The following MAML2 variants were observed in gnomAD, a reference collection of about 807,000 sequenced individuals.
MAML2 encodes the protein mastermind-like protein 2.
MAML2 carries 22 observed loss-of-function variants against 96.1 expected under a neutral mutation model. That is an observed-to-expected ratio of 0.23 (90% CI 0.16 to 0.33). MAML2 has a LOEUF of 0.33. Among genes scored for constraint, MAML2 ranks in the 10% least tolerant of loss-of-function variants. The probability of loss-of-function intolerance (pLI) is 1.00; values close to 1 mark genes in which losing one functional copy is unlikely to be tolerated. For synonymous variants in MAML2, 561 were observed against 521.3 expected (o/e 1.08, Z -1.04); for missense variants, 1,367 against 1,392.4 (o/e 0.98, Z 0.29).
intron 2 of MAML2, among the ~76,000 whole-genome samples, chr11:96,067,518 C>T (rs1238466692): frequency 5.9e-5 from 9 of 152,158 alleles, no homozygotes; most frequent in Admixed American, 5.9e-4. Context: ...ATCACATGAT[C>T]TTCTTACTCT....
intron 1 of MAML2, among the ~76,000 whole-genome samples, chr11:96,256,933 T>C (rs886813210): frequency 1.3e-5 from 2 of 152,056 alleles, no homozygotes; most frequent in African/African-American, 4.8e-5. Context: ...AAGAAAGAAA[T>C]GAATACTTTG....
At chr11:96,243,491 C>T (rs577243611) in intron 1 of MAML2, among the ~76,000 whole-genome samples, 1 of 152,182 alleles carries the variant, frequency 6.6e-6, no homozygotes, top group Admixed American at 6.5e-5. Context: ...GGAGCCAGAC[C>T]CCAGCCGCGC....
intron 1 of MAML2, among the ~76,000 whole-genome samples, chr11:96,154,241 T>C (rs2135881284): frequency 6.6e-6 from 1 of 152,276 alleles, no homozygotes; most frequent in South Asian, 2.1e-4. Context: ...CCTGAGAATT[T>C]GCATTTCTAA....
At chr11:96,238,573 C>T (rs959856102) in intron 1 of MAML2, among the ~76,000 whole-genome samples, 1 of 152,158 alleles carries the variant, frequency 6.6e-6, no homozygotes, top group African/African-American at 2.4e-5. Flanking sequence ...GCTCCTGGAT[C>T]GATAACTTTT....
chr11:96,014,222 T>G (rs1406502817), intron 2 of MAML2, among the ~76,000 whole-genome samples: 1 of 152,218 alleles, frequency 6.6e-6, no homozygotes, highest in Non-Finnish European at 1.5e-5. Context: ...ACTCAGCATT[T>G]TAGTATACAG....
At chr11:96,163,707 C>G (rs1466983264) in intron 1 of MAML2, among the ~76,000 whole-genome samples, 4 of 152,200 alleles carry the variant, frequency 2.6e-5, no homozygotes, top group Non-Finnish European at 4.4e-5. Flanking sequence ...ACCTTTGGTA[C>G]TGTTCTGGAA....
chr11:96,324,601 T>C (rs1397939190), intron 1 of MAML2, among the ~76,000 whole-genome samples: 1 of 152,186 alleles, frequency 6.6e-6, no homozygotes, highest in Non-Finnish European at 1.5e-5. Context: ...AGAAGGCACA[T>C]CTTCACCTTG....
At chr11:96,169,865 G>A (rs1387587621) in intron 1 of MAML2, among the ~76,000 whole-genome samples, 1 of 152,180 alleles carries the variant, frequency 6.6e-6, no homozygotes, top group Admixed American at 6.5e-5. Context: ...GTGTTGCCCA[G>A]GTTGGTCTCA....
intron 1 of MAML2, among the ~76,000 whole-genome samples, chr11:96,182,288 T>C (rs1374780203): frequency 1.3e-5 from 2 of 152,222 alleles, no homozygotes; most frequent in Admixed American, 6.5e-5. Context: ...CAACCAACTA[T>C]ATGAAATTTT....
chr11:96,299,153 A>C (rs548515845), intron 1 of MAML2, among the ~76,000 whole-genome samples: 2 of 148,562 alleles, frequency 1.3e-5, no homozygotes, highest in Admixed American at 6.8e-5. Flanking sequence ...GAAGAGGGAA[A>C]TGTGGTTTAG....
At chr11:96,133,166 G>T (rs192680515) in intron 1 of MAML2, among the ~76,000 whole-genome samples, 1 of 152,164 alleles carries the variant, frequency 6.6e-6, no homozygotes, top group Non-Finnish European at 1.5e-5. Context: ...TTTATCCAAG[G>T]TACTTAAATT....
At chr11:96,042,324 G>A (rs1858827612) in intron 2 of MAML2, among the ~76,000 whole-genome samples, 1 of 152,042 alleles carries the variant, frequency 6.6e-6, no homozygotes, top group African/African-American at 2.4e-5. Context: ...GTTTCTCCAT[G>A]TTGGTGAGGC....
chr11:96,322,443 A>T (rs2136011950), intron 1 of MAML2, among the ~76,000 whole-genome samples: 1 of 152,324 alleles, frequency 6.6e-6, no homozygotes, highest in Admixed American at 6.5e-5. Context: ...TCATTCCTAT[A>T]ATCCCAGCAC....
intron 4 of MAML2, among the ~76,000 whole-genome samples, chr11:95,981,490 G>C (rs1179595095): frequency 1.3e-5 from 2 of 152,228 alleles, no homozygotes; most frequent in Non-Finnish European, 2.9e-5. Context: ...GAGCATGTCT[G>C]CAATTGTAAA....
intron 1 of MAML2, among the ~76,000 whole-genome samples, chr11:96,205,433 G>A (rs1006258648): frequency 6.6e-6 from 1 of 152,200 alleles, no homozygotes; most frequent in African/African-American, 2.4e-5. Context: ...TTCAGGCACT[G>A]CACTTGGGGT....
chr11:96,184,531 A>T (rs1861542666), intron 1 of MAML2, among the ~76,000 whole-genome samples: 1 of 151,872 alleles, frequency 6.6e-6, no homozygotes, highest in Non-Finnish European at 1.5e-5. Flanking sequence ...TATAATTCAG[A>T]GCCTATGGAT....
chr11:96,038,143 T>C (rs1156605342), intron 2 of MAML2, among the ~76,000 whole-genome samples: 4 of 152,196 alleles, frequency 2.6e-5, no homozygotes, highest in African/African-American at 9.7e-5. Flanking sequence ...CTCCACCAAA[T>C]TGAATTCTAT....
At chr11:96,313,536 G>A (rs1282371752) in intron 1 of MAML2, among the ~76,000 whole-genome samples, 1 of 151,884 alleles carries the variant, frequency 6.6e-6, no homozygotes, top group Non-Finnish European at 1.5e-5. Context: ...CCCCAAAATT[G>A]CCCCATTCTT....
At chr11:96,147,339 A>T (rs563983074) in intron 1 of MAML2, among the ~76,000 whole-genome samples, 3 of 152,228 alleles carry the variant, frequency 2.0e-5, no homozygotes, top group African/African-American at 4.8e-5. Context: ...GATACATAAA[A>T]GTTTATAGCA....
Sources: allele counts gnomAD v4.1 joint callset (sites outside exome capture counted in the v4.1 genomes callset), GRCh38; gene constraint gnomAD v4.1.1; transcripts MANE v1.5; gene names NCBI Gene and HGNC (gene_info 2026-07-23, HGNC 2026-07-21).